Variants in RBFOX1 observed in about 807,000 individuals in gnomAD.
RBFOX1 encodes the protein RNA binding protein fox-1 homolog 1.
A neutral mutation model predicts 57.7 loss-of-function variants in RBFOX1; 8 were observed. The observed-to-expected ratio is 0.14, with a 90% CI of 0.08 to 0.25. The LOEUF is 0.25. RBFOX1 is among the 10% of genes least tolerant of loss of function. RBFOX1 has a pLI of 1.00. For synonymous variants in RBFOX1, 326 were observed against 222.4 expected, an observed-to-expected ratio of 1.47 and a Z score of -4.15; for missense variants, 611 against 548.5, an observed-to-expected ratio of 1.11 and a Z score of -1.14.
chr16:6,046,460 G>A (rs1038386008), intron 1 of RBFOX1, among the ~76,000 whole-genome samples: 1 of 152,136 alleles, frequency 6.6e-6, no homozygotes, highest in Non-Finnish European at 1.5e-5. Context: ...TTTCAAGTGC[G>A]GATTTAAGAA....
intron 3 of RBFOX1, among the ~76,000 whole-genome samples, chr16:5,822,436 A>G (rs934710348): frequency 6.6e-6 from 1 of 152,202 alleles, no homozygotes; most frequent in African/African-American, 2.4e-5. Flanking sequence ...ATGGAAAAAT[A>G]AAATTAATAA....
At chr16:5,821,260 C>T (rs1425372231) in intron 3 of RBFOX1, among the ~76,000 whole-genome samples, 3 of 145,320 alleles carry the variant, frequency 2.1e-5, no homozygotes, top group Non-Finnish European at 3.0e-5. Flanking sequence ...CCAGTTGGGG[C>T]GGGGAAGTGG....
chr16:6,698,150 C>A (rs11647673), intron 3 of RBFOX1, among the ~76,000 whole-genome samples: 1 of 152,156 alleles, frequency 6.6e-6, no homozygotes, highest in Non-Finnish European at 1.5e-5. Context: ...AACCAGAAAT[C>A]CACTTATATT....
intron 4 of RBFOX1, among the ~76,000 whole-genome samples, chr16:7,059,205 C>T (rs118085532): frequency 9.2e-5 from 14 of 152,278 alleles, no homozygotes; most frequent in Non-Finnish European, 1.8e-4. Flanking sequence ...CTGTGTCTCA[C>T]CCCTCTCCAC....
At chr16:6,955,215 T>C (rs1220421187) in intron 3 of RBFOX1, among the ~76,000 whole-genome samples, 1 of 152,054 alleles carries the variant, frequency 6.6e-6, no homozygotes, top group Non-Finnish European at 1.5e-5. Context: ...TACTCCAGCC[T>C]GCGCAACAGA....
intron 1 of RBFOX1, among the ~76,000 whole-genome samples, chr16:6,263,752 A>C (rs1050449288): frequency 2.4e-4 from 37 of 152,094 alleles, no homozygotes; most frequent in African/African-American, 7.5e-4. Context: ...CCTACAAAGC[A>C]CCCTGCCATG....
intron 4 of RBFOX1, among the ~76,000 whole-genome samples, chr16:7,097,229 G>A (rs1446924104): frequency 1.3e-5 from 2 of 152,222 alleles, no homozygotes; most frequent in South Asian, 2.1e-4. Flanking sequence ...TGAGGTAGGA[G>A]GATGCTAGGG....
Position 7,273,112 on chromosome 16 carries a change from C to T in RBFOX1, c.27+221014C>T, listed in dbSNP as rs1278330244. ...CTCCCTCCCTCCCTTTCCTCCTTCC[C>T]TCTCTCCCTCCCTTTCCTCCTTCCC... On this transcript the variant is annotated intron_variant, in intron 4 of 15. Transcript: ENST00000550418. Among the ~76,000 whole-genome samples, 14 of 126,452 alleles carry T rather than the reference C, an allele frequency of 1.1e-4. 1 individual carries two copies. The highest frequency in any genetic ancestry group is 4.5e-4 in the African/African-American group (14 of 31,354). 83.0% of individuals were successfully genotyped at this position (126,452 alleles called of 152,430 possible).
At chr16:5,330,073 C>A (rs2064706368) in intron 1 of RBFOX1, among the ~76,000 whole-genome samples, 1 of 152,076 alleles carries the variant, frequency 6.6e-6, no homozygotes, top group African/African-American at 2.4e-5. Context: ...CGTGAACTCT[C>A]TGAGGCTTCT....
Position 6,686,364 on chromosome 16 carries a change from C to T in RBFOX1, c.-16+31714C>T, listed in dbSNP as rs115137467. On this transcript the variant is annotated intron_variant, in intron 3 of 15. Transcript: ENST00000550418. ...CTCCTCCTTTGCTTTATTGATGCTT[C>T]AGGAAGCCTGTGGGCCATTCAGTTT... Among the ~76,000 whole-genome samples the T allele has an allele frequency of 3.6e-3, 542 of 152,296 alleles. 3 individuals carry two copies. The highest frequency in any genetic ancestry group is 0.013 in the African/African-American group (525 of 41,548).
chr16:6,578,848 A>G (rs1478033581), intron 2 of RBFOX1, among the ~76,000 whole-genome samples: 1 of 152,034 alleles, frequency 6.6e-6, no homozygotes, highest in East Asian at 1.9e-4. Context: ...TCTTTGCTCG[A>G]GGCATAAGAA....
Position 6,895,486 on chromosome 16 carries a change from A to ATATATATATATATATATG in RBFOX1, c.-15-156570_-15-156569insATATATATATATATATGT, listed in dbSNP as rs1231560510. Among the ~76,000 whole-genome samples, 97 of 91,936 alleles carry ATATATATATATATATATG rather than the reference A, an allele frequency of 1.1e-3. 1 individual carries two copies. The highest frequency in any genetic ancestry group is 2.8e-3 in the South Asian group (6 of 2,124). The allele number at this position is 91,936 out of a possible 152,430, so 60.3% of individuals were successfully genotyped here. A position where few individuals can be genotyped will look rare whatever the true frequency, so the allele number is the denominator to read the frequency against. On this transcript the variant is annotated intron_variant, in intron 3 of 15. Coordinates refer to ENST00000550418, the MANE Select transcript of RBFOX1 (RefSeq NM_018723.4). Reference sequence around the variant, plus strand: ...TATATATATATATATATATATATATATTTATTCCCCTATTGGATAACAAGC... The same window carrying ATATATATATATATATATG: ...TATATATATATATATATATATATATATATATATATATATATATGTTTATTCCCCTATTGGATAACAAGC...
At chr16:5,809,255 A>T (rs1348068995) in intron 3 of RBFOX1, among the ~76,000 whole-genome samples, 1 of 152,236 alleles carries the variant, frequency 6.6e-6, no homozygotes, top group Non-Finnish European at 1.5e-5. Flanking sequence ...TTCAGGACAT[A>T]GGCACAGGCA....
chr16:6,713,717 CCT>C, intron 3 of RBFOX1, among the ~76,000 whole-genome samples: 1 of 152,190 alleles, frequency 6.6e-6, no homozygotes, highest in Non-Finnish European at 1.5e-5. Context: ...AACCTCTCTT[CCT>C]CTCTCTTTCC....
intron 1 of RBFOX1, among the ~76,000 whole-genome samples, chr16:5,340,449 A>G (rs1020083870): frequency 3.9e-5 from 6 of 152,244 alleles, no homozygotes; most frequent in African/African-American, 1.4e-4. Flanking sequence ...AAATAATTCT[A>G]TGATCTGTCA....
intron 11 of RBFOX1, among the ~76,000 whole-genome samples, chr16:7,642,386 C>A (rs546391557): frequency 2.0e-5 from 3 of 152,276 alleles, no homozygotes; most frequent in African/African-American, 7.2e-5. Flanking sequence ...GATCAGCTAT[C>A]CCCACAGCTA....
intron 4 of RBFOX1, among the ~76,000 whole-genome samples, chr16:7,271,322 T>G (rs1431806348): frequency 6.6e-6 from 1 of 151,924 alleles, no homozygotes; most frequent in African/African-American, 2.4e-5. Context: ...CGGGCCTGGG[T>G]TGCAACAACT....
intron 2 of RBFOX1, among the ~76,000 whole-genome samples, chr16:6,507,151 A>T (rs1314218350): frequency 6.6e-6 from 1 of 151,670 alleles, no homozygotes; most frequent in Non-Finnish European, 1.5e-5. Flanking sequence ...ATCGTTCCTC[A>T]CCTCCACTGC....
At chr16:7,430,435 G>A (rs1476949938) in intron 4 of RBFOX1, among the ~76,000 whole-genome samples, 1 of 152,112 alleles carries the variant, frequency 6.6e-6, no homozygotes, top group African/African-American at 2.4e-5. Flanking sequence ...GCTGAGGCAG[G>A]CAGATCACAA....
Sources: allele counts gnomAD v4.1 joint callset (sites outside exome capture counted in the v4.1 genomes callset), GRCh38; gene constraint gnomAD v4.1.1; transcripts MANE v1.5; gene names NCBI Gene and HGNC (gene_info 2026-07-23, HGNC 2026-07-21).